CFAP20DC: variants seen among roughly 807,000 people sequenced by gnomAD.
The protein encoded by CFAP20DC is CFAP20 domain containing, also known as protein CFAP20DC.
Under a neutral mutation model 101.7 loss-of-function variants are expected in CFAP20DC, and 84 were observed. That is an observed-to-expected ratio of 0.83 (90% CI 0.69 to 0.99). The LOEUF is 0.99. Ranked by LOEUF, CFAP20DC falls within the 50% of genes least tolerant of loss-of-function variation. The pLI, the probability that CFAP20DC is intolerant of heterozygous loss-of-function variation, is 0.00. For missense variants in CFAP20DC, 1,007 were observed against 970.3 expected (o/e 1.04, Z -0.50); for synonymous variants, 359 against 351.2 (o/e 1.02, Z -0.25).
At position 58,742,515 on chromosome 3, in the gene CFAP20DC, G is replaced by C; in HGVS notation, c.2390C>G (p.Pro797Arg). The C allele has an allele frequency of 6.2e-7, 1 of 1,609,112 alleles. No individual in the cohort carries two copies. The highest frequency in any genetic ancestry group is 8.5e-7 in the Non-Finnish European group (1 of 1,177,668). The change falls in exon 17 of 17, where the codon CCT (proline) becomes CGT (arginine). Residue 797 changes from proline (P) to arginine (R), a missense_variant. Physicochemically the swap from Pro to Arg is moderately radical, Grantham distance 103 (BLOSUM62 -2). Transcript: ENST00000482387. ...DEEVLTLLYD[P>R]CLNCYFDPQT... ...GGGGTCAAAGTAACAGTTCAGACAA[G>C]GGTCATACAACAAAGTCAGTACTTC... is the stretch of plus-strand genomic sequence containing the variant.
At chr3:58,843,302 A>T (rs1367479871) in intron 13 of CFAP20DC, among the ~76,000 whole-genome samples, 1 of 151,744 alleles carries the variant, frequency 6.6e-6, no homozygotes, top group Non-Finnish European at 1.5e-5. Context: ...AATAACCAAT[A>T]CAGAGAAGTG....
intron 4 of CFAP20DC, among the ~76,000 whole-genome samples, chr3:58,974,443 C>CT (rs988058591): frequency 6.6e-6 from 1 of 152,008 alleles, no homozygotes; most frequent in Non-Finnish European, 1.5e-5. Flanking sequence ...TGGTTTTGTT[C>CT]TTTTTTATGG....
rs2080140718 is a variant in CFAP20DC, at chr3:58,870,909, A to G, written c.716-600T>C. Among the ~76,000 whole-genome samples, 3 of 149,952 alleles carry G rather than the reference A, an allele frequency of 2.0e-5. No individual in the cohort carries two copies. The South Asian group carries it at 6.3e-4, about 31-fold the overall frequency. On this transcript the variant is annotated intron_variant, in intron 7 of 16. Transcript: ENST00000482387. ...GACTCCGTCTCAAAAAAAAAAAAAA[A>G]AAAAAAAAAAAAAAAGAAAAAAGGA...
intron 15 of CFAP20DC, among the ~76,000 whole-genome samples, chr3:58,757,478 T>C (rs568258126): frequency 6.7e-6 from 1 of 149,646 alleles, no homozygotes; most frequent in Admixed American, 6.7e-5. Context: ...CTTTATAGTT[T>C]GTCTTTGTTT....
At chr3:59,033,435 G>T (rs1158707574) in intron 4 of CFAP20DC, among the ~76,000 whole-genome samples, 1 of 152,034 alleles carries the variant, frequency 6.6e-6, no homozygotes, top group East Asian at 1.9e-4. Context: ...CCCAATGCAA[G>T]GAAGCTAAGA....
intron 14 of CFAP20DC, among the ~76,000 whole-genome samples, chr3:58,822,312 A>AAAAC (rs145291014): frequency 0.92 from 127,777 of 138,666 alleles, 59,225 homozygotes; most frequent in East Asian, 0.99. Context: ...AAATCATGAA[A>AAAAC]AAACAAACAA....
chr3:58,820,299 G>C lies in CFAP20DC; in HGVS notation c.2175+11387C>G, dbSNP rs1372486413. 6.3e-3 allele frequency among the ~76,000 whole-genome samples: 929 copies of C among 147,788 alleles called. 11 individuals are homozygous for C. The highest frequency in any genetic ancestry group is 0.022 in the African/African-American group (871 of 39,726). ...TGTTGGAAGTTCTGGCCAGGGCAAT[G>C]AGGCAGGAGAAGGAAATAAAGGGTA... On this transcript the variant is annotated intron_variant, in intron 14 of 16. Coordinates refer to ENST00000482387, the MANE Select transcript of CFAP20DC (RefSeq NM_001394063.1).
chr3:58,813,920 T>A (rs2074891500), intron 14 of CFAP20DC, among the ~76,000 whole-genome samples: 1 of 151,934 alleles, frequency 6.6e-6, no homozygotes, highest in Non-Finnish European at 1.5e-5. Flanking sequence ...TTTCGGCAAT[T>A]TGCAAGTGAA....
chr3:58,819,616 C>A (rs1417508101), intron 14 of CFAP20DC, among the ~76,000 whole-genome samples: 2 of 148,706 alleles, frequency 1.3e-5, no homozygotes, highest in Admixed American at 6.7e-5. Flanking sequence ...TCTGAATAGA[C>A]CAATAACAGG....
At chr3:58,763,029 T>A (rs1387843527) in intron 15 of CFAP20DC, among the ~76,000 whole-genome samples, 16 of 152,168 alleles carry the variant, frequency 1.1e-4, no homozygotes, top group Non-Finnish European at 2.4e-4. Context: ...GAGTTGCTCT[T>A]CTGGAGGAGT....
Position 58,861,792 on chromosome 3 carries a change from C to T in CFAP20DC, c.1593+1766G>A, listed in dbSNP as rs990064709. 2.0e-6 allele frequency: 2 copies of T among 985,304 alleles called. No individual in the cohort carries two copies. The highest frequency in any genetic ancestry group is 3.5e-5 in the African/African-American group (2 of 57,228). 61.0% of individuals were successfully genotyped at this position (985,304 alleles called of 1,614,324 possible). A position where few individuals can be genotyped will look rare whatever the true frequency, so the allele number is the denominator to read the frequency against. On this transcript the variant is annotated intron_variant, in intron 12 of 16. Coordinates refer to ENST00000482387, the MANE Select transcript of CFAP20DC (RefSeq NM_001394063.1). This position sits in a 1 kb window ranked among gnomAD's most constrained non-coding sequence, Gnocchi z 4.0. ...GGGATGGTCTCACCACAGACTCTAG[C>T]CGTATGCTACTGGTCACCTTGATGG...
intron 4 of CFAP20DC, among the ~76,000 whole-genome samples, chr3:58,997,135 T>C (rs776837832): frequency 6.6e-6 from 1 of 152,250 alleles, no homozygotes; most frequent in Non-Finnish European, 1.5e-5. Flanking sequence ...TGTCTTTAGC[T>C]GAACTAAGGA....
chr3:58,938,475 T>C (rs1368364875), intron 4 of CFAP20DC, among the ~76,000 whole-genome samples: 1 of 152,178 alleles, frequency 6.6e-6, no homozygotes. Flanking sequence ...TCCAAACCTG[T>C]CTCACACTGC....
At chr3:59,033,522 G>C (rs2094036427) in intron 4 of CFAP20DC, among the ~76,000 whole-genome samples, 1 of 152,096 alleles carries the variant, frequency 6.6e-6, no homozygotes, top group Non-Finnish European at 1.5e-5. Flanking sequence ...TGATGGAGCT[G>C]AAAAACACAG....
rs115052541 is a variant in CFAP20DC at position 59,012,064 on chromosome 3, G to C, written c.278+27493C>G. 3.8e-3 allele frequency among the ~76,000 whole-genome samples: 574 copies of C among 152,262 alleles called. 3 individuals carry two copies. The highest frequency in any genetic ancestry group is 0.013 in the African/African-American group (553 of 41,558). Reference sequence around the variant, plus strand: ...ATAAAGCATAGCTTATCTCTTCATAGAACTCACAGTCTATTAAGAAAGACA... The same window carrying C: ...ATAAAGCATAGCTTATCTCTTCATACAACTCACAGTCTATTAAGAAAGACA... On this transcript the variant is annotated intron_variant, in intron 4 of 16. Coordinates refer to ENST00000482387, the MANE Select transcript of CFAP20DC (RefSeq NM_001394063.1).
chr3:58,958,689 A>G (rs1284702807), intron 4 of CFAP20DC, among the ~76,000 whole-genome samples: 2 of 152,210 alleles, frequency 1.3e-5, no homozygotes, highest in African/African-American at 4.8e-5. Flanking sequence ...GCTTTAATTT[A>G]CATTTCTTCA....
rs569805851 is a variant in CFAP20DC, at chr3:58,744,917, C to T, written c.2333-2345G>A. Among the ~76,000 whole-genome samples, 14 of 152,270 alleles carry T rather than the reference C, an allele frequency of 9.2e-5. 1 individual carries two copies. The South Asian group carries it at 2.5e-3, about 27-fold the overall frequency. ...TGTGCTTAGAACAGGGGACCAGATC[C>T]AATGATCCCTGTAGTGCTTTTGATG... On this transcript the variant is annotated intron_variant, in intron 16 of 16. Transcript: ENST00000482387.
intron 6 of CFAP20DC, among the ~76,000 whole-genome samples, chr3:58,900,268 C>T (rs778667189): frequency 6.6e-6 from 1 of 152,160 alleles, no homozygotes; most frequent in Non-Finnish European, 1.5e-5. Flanking sequence ...TAGTACAGCA[C>T]CTGGTTCAAA....
In CFAP20DC at chr3:58,814,062, G is replaced by A. The variant is rs935642377; in HGVS notation, c.2176-7606C>T. On this transcript the variant is annotated intron_variant, in intron 14 of 16. Transcript: ENST00000482387. ...CCCAATAACAAATTCATTGGTATTC[G>A]TCCAGTATTTCAGCTGTACTCAGGT... 8.6e-5 allele frequency among the ~76,000 whole-genome samples: 13 copies of A among 151,780 alleles called. 1 individual carries two copies. The highest frequency in any genetic ancestry group is 2.4e-4 in the African/African-American group (10 of 41,160).
Sources: allele counts gnomAD v4.1 joint callset (sites outside exome capture counted in the v4.1 genomes callset), GRCh38; gene constraint gnomAD v4.1.1; non-coding constraint Gnocchi (gnomAD v3.1); transcripts MANE v1.5; gene names NCBI Gene and HGNC (gene_info 2026-07-23, HGNC 2026-07-21).